Variants in CNTNAP2 observed in about 807,000 individuals in gnomAD.
CNTNAP2 encodes the protein contactin-associated protein-like 2.
CNTNAP2 carries 98 observed loss-of-function variants against 155.2 expected under a neutral mutation model. The ratio of observed to expected loss-of-function variants is 0.63; its 90% confidence interval spans 0.54 to 0.75. The LOEUF (loss-of-function observed/expected upper bound fraction) is 0.75, where lower values mean the gene tolerates loss of function less well. Among genes scored for constraint, CNTNAP2 ranks in the 30% least tolerant of loss-of-function variants. The probability of loss-of-function intolerance (pLI) is 0.00; values close to 1 mark genes in which losing one functional copy is unlikely to be tolerated. For missense variants in CNTNAP2, 1,727 were observed against 1,688.1 expected (o/e 1.02, Z -0.40); for synonymous variants, 651 against 631.2 (o/e 1.03, Z -0.47).
At position 146,348,133 on chromosome 7, in the gene CNTNAP2, C is replaced by T. The variant is rs116207779; in HGVS notation, c.97+231160C>T. Among the ~76,000 whole-genome samples, 591 of 152,212 alleles carry T rather than the reference C, an allele frequency of 3.9e-3. 1 individual carries two copies. Among genetic ancestry groups the T allele is most frequent in the African/African-American group, 0.013 (548 of 41,540 alleles). On this transcript the variant is annotated intron_variant, in intron 1 of 23. Coordinates refer to ENST00000361727, the MANE Select transcript of CNTNAP2 (RefSeq NM_014141.6). ...ACACTGGCTTTTAATAAATACGAAG[C>T]CACAGGCTGGGCGCAGTGGCTCACT...
rs1797014983 is a variant in CNTNAP2 at position 148,283,288 on chromosome 7, AAAGAAAGAAAGAAAGAAAGGAAGGAAGG to A, written c.3475+16166_3475+16193del. 2.2e-4 allele frequency among the ~76,000 whole-genome samples: 21 copies of A among 97,186 alleles called. 2 individuals are homozygous for A. Among genetic ancestry groups the A allele is most frequent in the African/African-American group, 9.1e-4 (16 of 17,678 alleles). 63.8% of individuals were successfully genotyped at this position (97,186 alleles called of 152,430 possible). ...GAAAGAAAGAAAGAAAGAAAGAAAG[AAAGAAAGAAAGAAAGAAAGGAAGGAAGG>A]AAGGAAAGAAAGAAAGAATTCTTAT... On this transcript the variant is annotated intron_variant, in intron 21 of 23. Coordinates refer to ENST00000361727, the MANE Select transcript of CNTNAP2 (RefSeq NM_014141.6).
chr7:148,009,027 G>T (rs1802025651), intron 15 of CNTNAP2, among the ~76,000 whole-genome samples: 1 of 152,204 alleles, frequency 6.6e-6, no homozygotes, highest in Non-Finnish European at 1.5e-5. Context: ...TGATCATGAT[G>T]CACATCTGTT....
At chr7:146,418,150 G>A (rs1263799985) in intron 1 of CNTNAP2, among the ~76,000 whole-genome samples, 7 of 152,296 alleles carry the variant, frequency 4.6e-5, no homozygotes, top group South Asian at 4.1e-4. Flanking sequence ...TGACTTACCT[G>A]TTTTAAATGG....
intron 2 of CNTNAP2, among the ~76,000 whole-genome samples, chr7:146,825,331 T>C (rs1803379532): frequency 6.6e-6 from 1 of 152,100 alleles, no homozygotes; most frequent in South Asian, 2.1e-4. Flanking sequence ...TCAGAGGGAT[T>C]GTAAGAATGA....
intron 15 of CNTNAP2, among the ~76,000 whole-genome samples, chr7:148,072,984 AG>A (rs1177223911): frequency 1.3e-5 from 2 of 152,206 alleles, no homozygotes; most frequent in African/African-American, 4.8e-5. Flanking sequence ...CTGGGATTAC[AG>A]GTGTGAGCCA....
intron 1 of CNTNAP2, among the ~76,000 whole-genome samples, chr7:146,561,232 C>G (rs1798275042): frequency 6.6e-6 from 1 of 152,054 alleles, no homozygotes; most frequent in African/African-American, 2.4e-5. Flanking sequence ...GTCAATAAGA[C>G]TTTTCAACCA....
intron 13 of CNTNAP2, among the ~76,000 whole-genome samples, chr7:147,767,288 C>G (rs748885362): frequency 6.6e-6 from 1 of 151,974 alleles, no homozygotes; most frequent in East Asian, 1.9e-4. Context: ...AAACCTCAAA[C>G]GCTTCTCAGA....
intron 1 of CNTNAP2, among the ~76,000 whole-genome samples, chr7:146,504,055 C>T (rs987327894): frequency 7.9e-5 from 12 of 152,218 alleles, no homozygotes; most frequent in African/African-American, 1.9e-4. Context: ...ACATAGTGCG[C>T]GGAATTGTGC....
intron 20 of CNTNAP2, among the ~76,000 whole-genome samples, chr7:148,237,281 G>A (rs182717281): frequency 5.9e-5 from 9 of 152,276 alleles, no homozygotes; most frequent in African/African-American, 1.7e-4. Flanking sequence ...GTTGGAAATC[G>A]TAAGCAATAT....
intron 8 of CNTNAP2, among the ~76,000 whole-genome samples, chr7:147,197,918 A>C (rs927150764): frequency 2.0e-5 from 3 of 152,302 alleles, no homozygotes; most frequent in African/African-American, 7.2e-5. Context: ...ATATTTGAAG[A>C]CTTTTGCAGA....
chr7:146,754,534 G>GTC (rs71525968), intron 1 of CNTNAP2, among the ~76,000 whole-genome samples: 6,154 of 143,338 alleles, frequency 0.043, 366 homozygotes, highest in African/African-American at 0.14. Flanking sequence ...GGTTGTTAGA[G>GTC]TCTCTCTCTC....
chr7:146,732,434 G>T (rs910844157), intron 1 of CNTNAP2, among the ~76,000 whole-genome samples: 5 of 152,080 alleles, frequency 3.3e-5, no homozygotes, highest in African/African-American at 9.7e-5. Flanking sequence ...GGAAAATATT[G>T]TATGTCAGAT....
chr7:148,418,361 A>C lies in CNTNAP2; in HGVS notation c.*2745A>C, dbSNP rs1267571582. ...GTCATTCACATCTCACAAAATCTTG[A>C]CATCTTACATTCCAATACATTATCA... On this transcript the variant is annotated 3_prime_UTR_variant, in exon 24 of 24. Transcript: ENST00000361727. 6.6e-6 allele frequency: 1 copy of C among 152,222 alleles called. No individual in the cohort carries two copies. Among genetic ancestry groups the C allele is most frequent in the Non-Finnish European group, 1.5e-5 (1 of 68,048 alleles). 9.4% of individuals were successfully genotyped at this position (152,222 alleles called of 1,614,324 possible).
intron 2 of CNTNAP2, among the ~76,000 whole-genome samples, chr7:146,836,599 T>C (rs923198156): frequency 6.6e-6 from 1 of 152,190 alleles, no homozygotes; most frequent in Admixed American, 6.5e-5. Flanking sequence ...GACTTCCACA[T>C]TTATTATAAA....
At chr7:147,345,163 C>T (rs141262361) in intron 9 of CNTNAP2, among the ~76,000 whole-genome samples, 3 of 151,960 alleles carry the variant, frequency 2.0e-5, no homozygotes, top group South Asian at 2.1e-4. Context: ...GTCATATTTA[C>T]GCTGAATTAT....
At chr7:147,450,255 A>G (rs1014582372) in intron 10 of CNTNAP2, among the ~76,000 whole-genome samples, 1 of 152,220 alleles carries the variant, frequency 6.6e-6, no homozygotes. Flanking sequence ...TTGAAGTTGG[A>G]GATATCCATG....
chr7:147,148,384 C>A (rs1306873785), intron 8 of CNTNAP2, among the ~76,000 whole-genome samples: 1 of 118,814 alleles, frequency 8.4e-6, no homozygotes, highest in African/African-American at 3.3e-5. Context: ...AGCGAGACTC[C>A]GTCTCAAAAA....
At chr7:147,418,659 G>C (rs764307749) in intron 10 of CNTNAP2, among the ~76,000 whole-genome samples, 17 of 152,190 alleles carry the variant, frequency 1.1e-4, no homozygotes, top group Admixed American at 2.0e-4. Flanking sequence ...TGTTGCTATG[G>C]CAAAAGGAAA....
At chr7:147,326,166 C>T (rs569057373) in intron 9 of CNTNAP2, among the ~76,000 whole-genome samples, 52 of 152,282 alleles carry the variant, frequency 3.4e-4, no homozygotes, top group African/African-American at 9.1e-4. Context: ...CCTGGTGATC[C>T]GCCCGCCTTG....
Sources: allele counts gnomAD v4.1 joint callset (sites outside exome capture counted in the v4.1 genomes callset), GRCh38; gene constraint gnomAD v4.1.1; transcripts MANE v1.5; gene names NCBI Gene and HGNC (gene_info 2026-07-23, HGNC 2026-07-21).